The following TNFSF4 variants were observed in gnomAD, a reference collection of about 807,000 sequenced individuals.
The protein encoded by TNFSF4 is tumor necrosis factor ligand superfamily member 4.
TNFSF4 carries 4 observed loss-of-function variants against 7.3 expected under a neutral mutation model. The ratio of observed to expected loss-of-function variants is 0.55; its 90% CI spans 0.27 to 1.25. The LOEUF is 1.25. Ranked by LOEUF, TNFSF4 falls within the 50% of genes most tolerant of loss-of-function variation. TNFSF4 has a pLI of 0.12. For missense variants in TNFSF4, 181 were observed against 208.8 expected (o/e 0.87, Z 0.82); for synonymous variants, 76 against 83.7 (o/e 0.91, Z 0.50).
the TNFSF4 span, among the ~76,000 whole-genome samples, chr1:173,235,592 T>C: frequency 6.6e-6 from 1 of 152,220 alleles, no homozygotes; most frequent in Non-Finnish European, 1.5e-5. Context: ...TGTCTACACA[T>C]ACTACGCATG....
chr1:173,389,081 T>C, the TNFSF4 span, among the ~76,000 whole-genome samples: 2 of 152,230 alleles, frequency 1.3e-5, no homozygotes, highest in Non-Finnish European at 2.9e-5. Flanking sequence ...CGAATGGTAG[T>C]GTATTAGGTA....
chr1:173,291,930 C>T, the TNFSF4 span, among the ~76,000 whole-genome samples: 1 of 151,810 alleles, frequency 6.6e-6, no homozygotes. Flanking sequence ...AACACACAAC[C>T]TCCCCAAGAT....
the TNFSF4 span, among the ~76,000 whole-genome samples, chr1:173,331,302 G>C: frequency 2.0e-5 from 3 of 152,150 alleles, no homozygotes; most frequent in Non-Finnish European, 4.4e-5. Context: ...AACAATTACT[G>C]CAAACTTCTG....
the TNFSF4 span, among the ~76,000 whole-genome samples, chr1:173,430,895 C>T: frequency 1.3e-5 from 2 of 152,190 alleles, no homozygotes; most frequent in Admixed American, 1.3e-4. Context: ...GGGGTTAAGG[C>T]TAATTGGTAA....
At chr1:173,355,508 A>C in the TNFSF4 span, among the ~76,000 whole-genome samples, 8 of 152,186 alleles carry the variant, frequency 5.3e-5, no homozygotes, top group African/African-American at 1.2e-4. Context: ...CCTGGCTAGA[A>C]GGGAGTTTCT....
chr1:173,217,969 G>C, the TNFSF4 span, among the ~76,000 whole-genome samples: 1 of 152,016 alleles, frequency 6.6e-6, no homozygotes, highest in Non-Finnish European at 1.5e-5. Context: ...GGCTGATCTT[G>C]AACTCCTGAC....
At chr1:173,441,375 C>G in the TNFSF4 span, among the ~76,000 whole-genome samples, 5 of 152,126 alleles carry the variant, frequency 3.3e-5, no homozygotes, top group Non-Finnish European at 7.4e-5. Flanking sequence ...ATAATCCCAG[C>G]ACTTTGGGAG....
the TNFSF4 span, chr1:173,363,692 A>G: frequency 3.7e-6 from 1 of 266,998 alleles, no homozygotes; most frequent in South Asian, 5.3e-5. Context: ...CTGATGGTTC[A>G]GTTAAGATGT....
intron 1 of TNFSF4, chr1:173,205,439 A>C: frequency 6.3e-7 from 1 of 1,574,924 alleles, no homozygotes; most frequent in South Asian, 1.2e-5. Flanking sequence ...GGATATTGAT[A>C]GTCCAATGTG....
the TNFSF4 span, among the ~76,000 whole-genome samples, chr1:173,450,243 G>T: frequency 6.6e-6 from 1 of 152,032 alleles, no homozygotes; most frequent in Non-Finnish European, 1.5e-5. Context: ...TTAAAGCAAT[G>T]ATTTATTTCA....
At chr1:173,190,635 C>T (rs1649438479) in intron 1 of TNFSF4, among the ~76,000 whole-genome samples, 1 of 152,212 alleles carries the variant, frequency 6.6e-6, no homozygotes, top group South Asian at 2.1e-4. Context: ...TAGTGCCCTT[C>T]GTGCTTAAGG....
At chr1:173,183,134 A>G (rs747267024), downstream of TNFSF4, among the ~76,000 whole-genome samples, 42 of 152,204 alleles carry the variant, frequency 2.8e-4, no homozygotes, top group Admixed American at 1.7e-3. Flanking sequence ...TTTCTGCTGT[A>G]GAGAAAGAAT....
the TNFSF4 span, among the ~76,000 whole-genome samples, chr1:173,427,344 G>A: frequency 4.6e-5 from 7 of 152,150 alleles, no homozygotes; most frequent in Admixed American, 4.6e-4. Context: ...ACTGGGGAGT[G>A]GCTGCTACTG....
chr1:173,311,341 T>C, the TNFSF4 span, among the ~76,000 whole-genome samples: 1 of 152,030 alleles, frequency 6.6e-6, no homozygotes, highest in African/African-American at 2.4e-5. Flanking sequence ...ATTGAAGTAA[T>C]ATGGGATTTG....
the TNFSF4 span, among the ~76,000 whole-genome samples, chr1:173,405,878 C>A: frequency 6.6e-6 from 1 of 152,144 alleles, no homozygotes. Flanking sequence ...GTAACTAAAC[C>A]AGTTATGATG....
At chr1:173,299,991 A>T in the TNFSF4 span, among the ~76,000 whole-genome samples, 1 of 151,738 alleles carries the variant, frequency 6.6e-6, no homozygotes, top group African/African-American at 2.4e-5. Flanking sequence ...ATTTCTCTCA[A>T]TCTCTAAAAG....
chr1:173,357,230 T>C, the TNFSF4 span, among the ~76,000 whole-genome samples: 1 of 152,192 alleles, frequency 6.6e-6, no homozygotes, highest in African/African-American at 2.4e-5. Context: ...GAGATGATCA[T>C]TTTTGGGGAC....
chr1:173,326,044 C>G, the TNFSF4 span, among the ~76,000 whole-genome samples: 11 of 152,186 alleles, frequency 7.2e-5, no homozygotes, highest in East Asian at 3.9e-4. Context: ...AATACCAAAG[C>G]CTGGCAGTGA....
At chr1:173,392,757 A>G in the TNFSF4 span, among the ~76,000 whole-genome samples, 1 of 152,206 alleles carries the variant, frequency 6.6e-6, no homozygotes, top group Non-Finnish European at 1.5e-5. Context: ...GATAGAAAAC[A>G]GATTAGCAAA....
Sources: allele counts gnomAD v4.1 joint callset (sites outside exome capture counted in the v4.1 genomes callset), GRCh38; gene constraint gnomAD v4.1.1; transcripts MANE v1.5; gene names NCBI Gene and HGNC (gene_info 2026-07-23, HGNC 2026-07-21).